PPM1E: variants seen among roughly 807,000 people sequenced by gnomAD.
PPM1E encodes the protein protein phosphatase 1E.
A neutral mutation model predicts 65.9 loss-of-function variants in PPM1E; 20 were observed. That is an observed-to-expected ratio of 0.30 (90% CI 0.21 to 0.44). The LOEUF is 0.44. Among genes scored for constraint, PPM1E ranks in the 20% least tolerant of loss-of-function variants. The pLI is 1.00. For missense variants in PPM1E, 713 were observed against 953.1 expected (o/e 0.75, Z 3.32); for synonymous variants, 352 against 374.9 (o/e 0.94, Z 0.70).
Position 58,785,779 on chromosome 17 carries a change from G to A in PPM1E, c.464+29318G>A, listed in dbSNP as rs1010057000. 4.6e-5 allele frequency among the ~76,000 whole-genome samples: 7 copies of A among 151,742 alleles called. 1 individual carries two copies. Among genetic ancestry groups the A allele is most frequent in the Admixed American group, 1.3e-4 (2 of 15,206 alleles). On this transcript the variant is annotated intron_variant, in intron 1 of 6. Coordinates refer to ENST00000308249, the MANE Select transcript of PPM1E (RefSeq NM_014906.5). The stretch of plus-strand genomic sequence containing the variant: ...TTGCTGATTGTATTAATTGAAACAC[G>A]TTTCAGTTCATGTTTTCCACCCACA...
At chr17:58,947,884 G>A (rs761651969) in intron 1 of PPM1E, among the ~76,000 whole-genome samples, 1 of 152,112 alleles carries the variant, frequency 6.6e-6, no homozygotes, top group Non-Finnish European at 1.5e-5. Flanking sequence ...ATCATCTGAA[G>A]GCTTGTGAAC....
chr17:58,897,393 G>A (rs575095960), intron 1 of PPM1E, among the ~76,000 whole-genome samples: 13 of 150,482 alleles, frequency 8.6e-5, no homozygotes, highest in South Asian at 8.4e-4. Flanking sequence ...CAGCCTGGGC[G>A]ACAGAGCGAG....
intron 2 of PPM1E, among the ~76,000 whole-genome samples, chr17:58,962,994 CAGA>C (rs898892689): frequency 1.3e-5 from 2 of 151,924 alleles, no homozygotes; most frequent in Non-Finnish European, 2.9e-5. Context: ...GAGGCTGAAG[CAGA>C]AGGATTGCTT....
chr17:58,818,136 G>C (rs1230862973), intron 1 of PPM1E, among the ~76,000 whole-genome samples: 1 of 152,120 alleles, frequency 6.6e-6, no homozygotes, highest in Non-Finnish European at 1.5e-5. Flanking sequence ...AAAAAAATGA[G>C]ACAGTACTTA....
At chr17:58,815,062 C>T (rs890987950) in intron 1 of PPM1E, among the ~76,000 whole-genome samples, 2 of 152,148 alleles carry the variant, frequency 1.3e-5, no homozygotes, top group Non-Finnish European at 2.9e-5. Context: ...CCATTGAATT[C>T]TTGGGTAAAC....
At chr17:58,974,216 G>A (rs925556369) in intron 6 of PPM1E, among the ~76,000 whole-genome samples, 1 of 152,128 alleles carries the variant, frequency 6.6e-6, no homozygotes, top group Non-Finnish European at 1.5e-5. Flanking sequence ...GCCTTTCTCC[G>A]TATTTTATCC....
At chr17:58,814,237 G>A (rs1415580075) in intron 1 of PPM1E, among the ~76,000 whole-genome samples, 2 of 152,128 alleles carry the variant, frequency 1.3e-5, no homozygotes, top group Non-Finnish European at 2.9e-5. Flanking sequence ...ATAGGAGTGT[G>A]AAGATCTCTT....
At chr17:58,859,863 T>C (rs564751416) in intron 1 of PPM1E, among the ~76,000 whole-genome samples, 2 of 152,286 alleles carry the variant, frequency 1.3e-5, no homozygotes, top group Admixed American at 1.3e-4. Context: ...GTTATTTGGG[T>C]TTTCATATCA....
At chr17:58,972,353 T>TA in intron 5 of PPM1E, 78 bp downstream of exon 5, 1 of 1,455,202 alleles carries the variant, frequency 6.9e-7, no homozygotes, top group Non-Finnish European at 9.3e-7. Context: ...AGGATTCACT[T>TA]ACTTTTTTTT....
chr17:58,832,475 A>G (rs1351356735), intron 1 of PPM1E, among the ~76,000 whole-genome samples: 1 of 152,188 alleles, frequency 6.6e-6, no homozygotes. Flanking sequence ...TACTACTTCT[A>G]TATATAGAGA....
At chr17:58,879,990 T>A (rs1226637502) in intron 1 of PPM1E, among the ~76,000 whole-genome samples, 1 of 152,136 alleles carries the variant, frequency 6.6e-6, no homozygotes, top group African/African-American at 2.4e-5. Flanking sequence ...TAATACAAAT[T>A]TCACACGGCA....
intron 1 of PPM1E, among the ~76,000 whole-genome samples, chr17:58,909,596 G>T (rs1056078082): frequency 6.6e-5 from 10 of 152,030 alleles, no homozygotes; most frequent in Non-Finnish European, 1.2e-4. Context: ...TAGGTGGGTG[G>T]TTTTTTTCTC....
At chr17:58,804,380 A>G (rs1166622658) in intron 1 of PPM1E, among the ~76,000 whole-genome samples, 1 of 152,248 alleles carries the variant, frequency 6.6e-6, no homozygotes, top group Non-Finnish European at 1.5e-5. Flanking sequence ...AAAGTAATAC[A>G]TTAAAACAGA....
Position 58,842,031 on chromosome 17 carries a change from G to A in PPM1E, c.464+85570G>A, listed in dbSNP as rs12449585. Among the ~76,000 whole-genome samples the A allele has an allele frequency of 0.011, 1,604 of 152,050 alleles. 82 individuals carry two copies. In the East Asian group the frequency reaches 0.14, roughly 14 times the overall value. Reference sequence around the variant, plus strand: ...CAATTTTTGTATTTTTAATAGAAACGGGGTTTCCCTGTGTTGGGTAGGCTG... The same window carrying A: ...CAATTTTTGTATTTTTAATAGAAACAGGGTTTCCCTGTGTTGGGTAGGCTG... On this transcript the variant is annotated intron_variant, in intron 1 of 6. Transcript: ENST00000308249.
In PPM1E at chr17:58,980,653, C is replaced by A. The variant is rs766068408; in HGVS notation, c.1890C>A (p.Phe630Leu). Residue 630 changes from phenylalanine (F) to leucine (L), a missense_variant, in exon 7 of 7, where the codon TTC (phenylalanine) becomes TTA (leucine). Coordinates refer to ENST00000308249, the MANE Select transcript of PPM1E (RefSeq NM_014906.5). This position sits in a 1 kb window ranked among gnomAD's most constrained non-coding sequence, Gnocchi z 4.7. ...WSGAGEFPTAFNLGSTGEQIY... is the reference protein window; with the variant it reads ...WSGAGEFPTALNLGSTGEQIY... ...GTGCTGGAGAGTTTCCCACTGCTTT[C>A]AATTTGGGTTCAACAGGGGAGCAGA... is the stretch of plus-strand genomic sequence containing the variant. The A allele has an allele frequency of 1.2e-6, 2 of 1,614,146 alleles. No individual in the cohort carries two copies. Among genetic ancestry groups the A allele is most frequent in the Admixed American group, 3.3e-5 (2 of 60,024 alleles).
intron 1 of PPM1E, among the ~76,000 whole-genome samples, chr17:58,806,975 A>G (rs2050322472): frequency 1.3e-5 from 2 of 151,626 alleles, no homozygotes; most frequent in African/African-American, 4.8e-5. Flanking sequence ...AAAGGCTGGG[A>G]TTCCAGGTGT....
At chr17:58,860,302 T>A (rs1199220892) in intron 1 of PPM1E, among the ~76,000 whole-genome samples, 1 of 152,182 alleles carries the variant, frequency 6.6e-6, no homozygotes, top group Non-Finnish European at 1.5e-5. Flanking sequence ...CATGGATTGG[T>A]GTCACACAGC....
At chr17:58,883,720 C>T (rs946016750) in intron 1 of PPM1E, among the ~76,000 whole-genome samples, 1 of 151,000 alleles carries the variant, frequency 6.6e-6, no homozygotes, top group Non-Finnish European at 1.5e-5. Flanking sequence ...CTCCTGACCT[C>T]GTGATCCGCC....
At chr17:58,814,174 C>T (rs2050394536) in intron 1 of PPM1E, among the ~76,000 whole-genome samples, 1 of 152,080 alleles carries the variant, frequency 6.6e-6, no homozygotes, top group African/African-American at 2.4e-5. Context: ...AAGAATATAG[C>T]TTCTAAGTTG....
Sources: allele counts gnomAD v4.1 joint callset (sites outside exome capture counted in the v4.1 genomes callset), GRCh38; gene constraint gnomAD v4.1.1; non-coding constraint Gnocchi (gnomAD v3.1); transcripts MANE v1.5; gene names NCBI Gene and HGNC (gene_info 2026-07-23, HGNC 2026-07-21).